Variants in WFDC8 observed in about 807,000 individuals in gnomAD.
WFDC8 encodes the protein WAP four-disulfide core domain 8.
In WFDC8, 24 loss-of-function variants were observed where a neutral mutation model predicts 27.0. The observed-to-expected ratio is 0.89, with a 90% confidence interval of 0.64 to 1.25. The LOEUF is 1.25. Among genes scored for constraint, WFDC8 ranks in the 50% most tolerant of loss-of-function variants. The pLI, the probability that WFDC8 is intolerant of heterozygous loss-of-function variation, is 0.00. For synonymous variants in WFDC8, 106 were observed against 99.7 expected (o/e 1.06, Z -0.38); for missense variants, 287 against 295.9 (o/e 0.97, Z 0.22).
chr20:45,561,428 C>T (rs1010063212), intron 2 of WFDC8, among the ~76,000 whole-genome samples: 1 of 152,186 alleles, frequency 6.6e-6, no homozygotes, highest in African/African-American at 2.4e-5. Context: ...TTCTTATGCC[C>T]AAGCACTACC....
chr20:45,556,741 A>AT (rs1329077913), intron 3 of WFDC8, among the ~76,000 whole-genome samples: 1 of 152,206 alleles, frequency 6.6e-6, no homozygotes, highest in Non-Finnish European at 1.5e-5. Flanking sequence ...AAATTAAAAA[A>AT]ATATATATTG....
chr20:45,553,356 A>G (rs1253956140), intron 4 of WFDC8, 80 bp from the exon 5 acceptor site: 2 of 1,517,922 alleles, frequency 1.3e-6, no homozygotes. Context: ...CTTCTCTTCA[A>G]AGCTAGTATC....
At chr20:45,554,712 C>T (rs1191295103) in intron 4 of WFDC8, among the ~76,000 whole-genome samples, 1 of 152,164 alleles carries the variant, frequency 6.6e-6, no homozygotes, top group Non-Finnish European at 1.5e-5. Flanking sequence ...TAGAGCTTCC[C>T]ATGAAGGGAA....
intron 4 of WFDC8, among the ~76,000 whole-genome samples, chr20:45,553,810 A>AT (rs1980136492): frequency 1.3e-5 from 2 of 152,248 alleles, no homozygotes; most frequent in Non-Finnish European, 2.9e-5. Context: ...GTAAGGTTTT[A>AT]CCAGATTTAG....
chr20:45,558,326 A>T (rs1297483876), intron 3 of WFDC8, among the ~76,000 whole-genome samples: 1 of 152,242 alleles, frequency 6.6e-6, no homozygotes, highest in African/African-American at 2.4e-5. Context: ...AATAAGTAAT[A>T]AACCCAATTT....
rs771731147 is a variant in WFDC8 at position 45,553,209 on chromosome 20, A to G, written c.513T>C (p.Ser171=). 5 of 1,613,780 alleles carry G rather than the reference A, an allele frequency of 3.1e-6. No homozygotes were observed. The highest frequency in any genetic ancestry group is 4.2e-6 in the Non-Finnish European group (5 of 1,179,818). The change falls in exon 5 of 6, where the codon AGT becomes AGC. Residue 171 remains serine (S), a synonymous_variant. Coordinates refer to ENST00000289953, the MANE Select transcript of WFDC8 (RefSeq NM_130896.3). ...ERKECPPSCH[S]DIDCPQTDKC... ...TGTCTGTCTGGGGACAATCGATGTC[A>G]CTGTGACATGAAGGTGGACACTCCT...
intron 1 of WFDC8, among the ~76,000 whole-genome samples, chr20:45,570,144 TTACCTA>T (rs1256227981): frequency 6.6e-6 from 1 of 151,920 alleles, no homozygotes; most frequent in East Asian, 1.9e-4. Flanking sequence ...TGGCACAAGT[TTACCTA>T]TATAACAAGT....
Position 45,579,234 on chromosome 20 carries a change from C to G in WFDC8, c.14G>C (p.Arg5Pro), listed in dbSNP as rs373025670. Residue 5 changes from arginine to proline, a missense_variant, in exon 1 of 6, where the codon CGA becomes CCA. Physicochemically the swap from Arg to Pro is moderately radical, Grantham distance 103 (BLOSUM62 -2). Transcript: ENST00000289953. Reference protein sequence around the residue: MWTVRTEGGHFPLHS... With the variant: MWTVPTEGGHFPLHS... ...ACACCCTCCTCACCCTCCTTCAGTT[C>G]GGACAGTCCACATCAGGCCTCTTCC... is the stretch of plus-strand genomic sequence containing the variant. The G allele has an allele frequency of 6.2e-6, 10 of 1,613,802 alleles. No homozygotes were observed. Among genetic ancestry groups the G allele is most frequent in the South Asian group, 1.1e-5 (1 of 91,074 alleles).
At position 45,579,281 on chromosome 20, in the gene WFDC8, T is replaced by G; in HGVS notation, c.-34A>C. 1.9e-6 allele frequency: 3 copies of G among 1,613,768 alleles called. No homozygotes were observed. Among genetic ancestry groups the G allele is most frequent in the Non-Finnish European group, 2.5e-6 (3 of 1,179,842 alleles). On this transcript the variant is annotated 5_prime_UTR_variant, in exon 1 of 6. Transcript: ENST00000289953. ...TTCCCTATGGAGACAGCTTCCTCAC[T>G]TTGCTCCAGCTCTAAGGCTCCTCCC... is the stretch of plus-strand genomic sequence containing the variant.
Position 45,551,854 on chromosome 20 carries a change from C to G in WFDC8, c.*172G>C, listed in dbSNP as rs1322039135. 1.2e-6 allele frequency: 1 copy of G among 801,470 alleles called. No homozygotes were observed. Among genetic ancestry groups the G allele is most frequent in the Non-Finnish European group, 1.8e-6 (1 of 544,498 alleles). The allele number at this position is 801,470 out of a possible 1,614,324, so 49.6% of individuals were successfully genotyped here. The stretch of plus-strand genomic sequence containing the variant: ...TAAAGTCATGAAGTTGAAAAAAAGC[C>G]AAATATATCATCACTTTCAGATGAT... On this transcript the variant is annotated 3_prime_UTR_variant, in exon 6 of 6. Coordinates refer to ENST00000289953, the MANE Select transcript of WFDC8 (RefSeq NM_130896.3).
chr20:45,564,461 G>A (rs1228616463), intron 1 of WFDC8, among the ~76,000 whole-genome samples: 1 of 152,096 alleles, frequency 6.6e-6, no homozygotes, highest in Non-Finnish European at 1.5e-5. Context: ...TATGAGGTCA[G>A]GAGATTGAGA....
chr20:45,562,290 C>T, intron 1 of WFDC8, 71 bp from the exon 2 acceptor site: 1 of 1,283,198 alleles, frequency 7.8e-7, no homozygotes, highest in Non-Finnish European at 1.1e-6. Context: ...TGCAGGGGAA[C>T]CTTAGAGATG....
intron 1 of WFDC8, chr20:45,568,446 G>GT: frequency 3.3e-6 from 1 of 298,996 alleles, no homozygotes; most frequent in Admixed American, 3.9e-5. Flanking sequence ...TATTTGCTGA[G>GT]TGTATGTCTT....
At chr20:45,554,580 G>A (rs139258414) in intron 4 of WFDC8, among the ~76,000 whole-genome samples, 1 of 152,280 alleles carries the variant, frequency 6.6e-6, no homozygotes, top group Non-Finnish European at 1.5e-5. Flanking sequence ...GGTATTATCA[G>A]GTTGCCTCTG....
chr20:45,564,382 T>C (rs1435233050), intron 1 of WFDC8, among the ~76,000 whole-genome samples: 1 of 152,118 alleles, frequency 6.6e-6, no homozygotes, highest in African/African-American at 2.4e-5. Flanking sequence ...AAGACCCACC[T>C]GGGCATGGGC....
At position 45,576,404 on chromosome 20, in the gene WFDC8, C is replaced by CT. The variant is rs948480057; in HGVS notation, c.26+2817dup. 1.0e-3 allele frequency among the ~76,000 whole-genome samples: 147 copies of CT among 144,896 alleles called. 4 individuals are homozygous for CT. The highest frequency in any genetic ancestry group is 4.6e-3 in the East Asian group (23 of 5,036). On this transcript the variant is annotated intron_variant, in intron 1 of 5. Coordinates refer to ENST00000289953, the MANE Select transcript of WFDC8 (RefSeq NM_130896.3). The stretch of plus-strand genomic sequence containing the variant: ...AGATAAAACTTCGTCTTAGAGTTTT[C>CT]TTTTTTTTTTTCAGACAGTCTCTCA...
rs185990222 is a variant in WFDC8 at position 45,573,521 on chromosome 20, G to C, written c.26+5701C>G. ...CCTGTATACCTTTGCATACCCATAGGTTAACTCAACTTATAAGCGAAAACA... is the reference window on the plus strand; with the variant it reads ...CCTGTATACCTTTGCATACCCATAGCTTAACTCAACTTATAAGCGAAAACA... On this transcript the variant is annotated intron_variant, in intron 1 of 5. Transcript: ENST00000289953. 3.3e-3 allele frequency among the ~76,000 whole-genome samples: 495 copies of C among 152,172 alleles called. 3 individuals carry two copies. The highest frequency in any genetic ancestry group is 0.011 in the African/African-American group (468 of 41,492).
chr20:45,559,117 T>C (rs770178551), intron 2 of WFDC8, 125 bp from the exon 3 acceptor site: 3 of 1,228,936 alleles, frequency 2.4e-6, no homozygotes, highest in Non-Finnish European at 3.4e-6. Flanking sequence ...GTTCTTGCTC[T>C]GCTTATATTC....
rs953483796 is a variant in WFDC8 at position 45,555,693 on chromosome 20, G to A, written c.445+8C>T. 5.1e-5 allele frequency: 83 copies of A among 1,611,998 alleles called. No homozygotes were observed. The highest frequency in any genetic ancestry group is 6.4e-5 in the Non-Finnish European group (75 of 1,179,912). On this transcript the variant is annotated splice_region_variant and intron_variant, in intron 4 of 5. Transcript: ENST00000289953. The stretch of plus-strand genomic sequence containing the variant: ...TAGACCCTCAGATTTCCAGGATAGA[G>A]GTCTCACCAATTAACATGCAGGCCG...
Sources: allele counts gnomAD v4.1 joint callset (sites outside exome capture counted in the v4.1 genomes callset), GRCh38; gene constraint gnomAD v4.1.1; transcripts MANE v1.5; gene names NCBI Gene and HGNC (gene_info 2026-07-23, HGNC 2026-07-21).